WDPCP: variants seen among roughly 807,000 people sequenced by gnomAD.
The protein encoded by WDPCP is WD repeat containing planar cell polarity effector, also known as WD repeat-containing and planar cell polarity effector protein fritz homolog.
Under a neutral mutation model 93.1 loss-of-function variants are expected in WDPCP, and 71 were observed. The observed-to-expected ratio is 0.76, with a 90% CI of 0.63 to 0.93. The LOEUF (loss-of-function observed/expected upper bound fraction) is 0.93. Among genes scored for constraint, WDPCP ranks in the 40% least tolerant of loss-of-function variants. The pLI, the probability that WDPCP is intolerant of heterozygous loss-of-function variation, is 0.00. For missense variants in WDPCP, 844 were observed against 887.4 expected (o/e 0.95, Z 0.62); for synonymous variants, 315 against 315.0 (o/e 1.00, Z 0.00).
intron 10 of WDPCP, among the ~76,000 whole-genome samples, chr2:63,393,531 AAAAT>A (rs1693456627): frequency 6.6e-6 from 1 of 152,088 alleles, no homozygotes; most frequent in South Asian, 2.1e-4. Context: ...AAGTATAATA[AAAAT>A]AAATAAAATA....
At chr2:63,796,527 G>A (rs557100747) in intron 2 of WDPCP, among the ~76,000 whole-genome samples, 102 of 152,316 alleles carry the variant, frequency 6.7e-4, no homozygotes, top group African/African-American at 2.3e-3. Flanking sequence ...GTGGCTGTGT[G>A]GCACAAAGAG....
chr2:63,141,424 T>C (rs999122827), intron 17 of WDPCP, among the ~76,000 whole-genome samples: 7 of 152,230 alleles, frequency 4.6e-5, no homozygotes, highest in African/African-American at 7.2e-5. Flanking sequence ...ATTTATTGGC[T>C]TGCATATGTT....
chr2:63,510,025 C>T (rs1263885165), intron 1 of WDPCP, among the ~76,000 whole-genome samples: 1 of 151,130 alleles, frequency 6.6e-6, no homozygotes, highest in African/African-American at 2.4e-5. Flanking sequence ...GGTACCATTC[C>T]TTCTGAAACT....
chr2:63,397,124 C>G (rs1473795560), intron 10 of WDPCP, among the ~76,000 whole-genome samples: 2 of 152,190 alleles, frequency 1.3e-5, no homozygotes, highest in East Asian at 1.9e-4. Context: ...AGGGCCTCTG[C>G]TTGATCATGG....
chr2:63,208,965 C>G (rs1352437413), intron 14 of WDPCP, among the ~76,000 whole-genome samples: 1 of 152,192 alleles, frequency 6.6e-6, no homozygotes, highest in Non-Finnish European at 1.5e-5. Context: ...CAGTTTAACT[C>G]CCCATTTGGC....
intron 2 of WDPCP, among the ~76,000 whole-genome samples, chr2:63,654,209 G>C (rs1231885369): frequency 6.6e-6 from 1 of 152,114 alleles, no homozygotes; most frequent in African/African-American, 2.4e-5. Flanking sequence ...GAATTAAATA[G>C]CAGGTTAGAT....
intron 13 of WDPCP, among the ~76,000 whole-genome samples, chr2:63,298,629 T>C (rs1685067653): frequency 6.6e-6 from 1 of 152,196 alleles, no homozygotes; most frequent in Admixed American, 6.5e-5. Context: ...CCAGGGGCTC[T>C]CGGGCCTTCA....
intron 2 of WDPCP, among the ~76,000 whole-genome samples, chr2:63,731,819 G>T (rs1669565651): frequency 6.6e-6 from 1 of 152,150 alleles, no homozygotes. Flanking sequence ...ATGGTACAAG[G>T]TAAGCAAGAG....
At chr2:63,255,594 C>T (rs903699780) in intron 14 of WDPCP, among the ~76,000 whole-genome samples, 1 of 152,094 alleles carries the variant, frequency 6.6e-6, no homozygotes, top group Non-Finnish European at 1.5e-5. Context: ...TATGGCATCT[C>T]CCCCTTTACC....
intron 6 of WDPCP, among the ~76,000 whole-genome samples, chr2:63,461,286 A>G (rs941934604): frequency 2.0e-5 from 3 of 152,124 alleles, no homozygotes; most frequent in Non-Finnish European, 4.4e-5. Context: ...CAGATTCCTC[A>G]TGGTTTGGTG....
upstream of WDPCP, among the ~76,000 whole-genome samples, chr2:63,591,767 A>G (rs900404947): frequency 5.9e-5 from 9 of 152,226 alleles, no homozygotes; most frequent in Non-Finnish European, 1.2e-4. Context: ...CAGAAATGTA[A>G]ATAGAAAACC....
At chr2:63,295,026 G>T (rs1437494400) in intron 13 of WDPCP, among the ~76,000 whole-genome samples, 1 of 152,146 alleles carries the variant, frequency 6.6e-6, no homozygotes, top group Non-Finnish European at 1.5e-5. Context: ...GTAGAGAAAG[G>T]CATGAAGGAG....
chr2:63,583,454 C>T (rs906927085), intron 1 of WDPCP, among the ~76,000 whole-genome samples: 9 of 152,170 alleles, frequency 5.9e-5, no homozygotes, highest in African/African-American at 1.2e-4. Flanking sequence ...GGAGGCCAGG[C>T]GGGCGGATCA....
chr2:63,507,866 G>A (rs1701981125), intron 1 of WDPCP, among the ~76,000 whole-genome samples: 1 of 152,058 alleles, frequency 6.6e-6, no homozygotes, highest in South Asian at 2.1e-4. Context: ...GAAATAAAGT[G>A]TGAAGACAAG....
intron 14 of WDPCP, among the ~76,000 whole-genome samples, chr2:63,203,071 C>T (rs1237724803): frequency 6.6e-6 from 1 of 152,024 alleles, no homozygotes; most frequent in East Asian, 1.9e-4. Context: ...TGTGTATAAA[C>T]TTTTAATACT....
chr2:63,296,805 A>T (rs1684899962), intron 13 of WDPCP, among the ~76,000 whole-genome samples: 1 of 151,690 alleles, frequency 6.6e-6, no homozygotes, highest in Non-Finnish European at 1.5e-5. Flanking sequence ...TACAAAAAAA[A>T]TGGGAAAACA....
chr2:63,722,328 G>A (rs1173392346), intron 2 of WDPCP, among the ~76,000 whole-genome samples: 14 of 143,146 alleles, frequency 9.8e-5, no homozygotes, highest in African/African-American at 3.1e-4. Flanking sequence ...AGTGAGGAGC[G>A]TCTCTGCCCG....
chr2:63,376,338 A>G (rs1336652291), intron 12 of WDPCP, among the ~76,000 whole-genome samples: 6 of 151,990 alleles, frequency 3.9e-5, no homozygotes, highest in Non-Finnish European at 7.4e-5. Flanking sequence ...GCTGGAGAAT[A>G]ATAATTTTGA....
At chr2:63,196,680 A>G (rs1348340577) in intron 14 of WDPCP, among the ~76,000 whole-genome samples, 1 of 152,182 alleles carries the variant, frequency 6.6e-6, no homozygotes, top group African/African-American at 2.4e-5. Context: ...ACAAGTTCTC[A>G]GCCACCATTA....
Sources: allele counts gnomAD v4.1 joint callset (sites outside exome capture counted in the v4.1 genomes callset), GRCh38; gene constraint gnomAD v4.1.1; transcripts MANE v1.5; gene names NCBI Gene and HGNC (gene_info 2026-07-23, HGNC 2026-07-21).